COG5: variants seen among roughly 807,000 people sequenced by gnomAD.
COG5 encodes conserved oligomeric Golgi complex subunit 5.
COG5 carries 86 observed loss-of-function variants against 110.4 expected under a neutral mutation model. The observed-to-expected ratio is 0.78, with a 90% CI of 0.65 to 0.93. The LOEUF (loss-of-function observed/expected upper bound fraction) is 0.93. Among genes scored for constraint, COG5 ranks in the 40% least tolerant of loss-of-function variants. The probability of loss-of-function intolerance (pLI) is 0.00; values close to 1 mark genes in which losing one functional copy is unlikely to be tolerated. For synonymous variants in COG5, 360 were observed against 334.6 expected (o/e 1.08, Z -0.83); for missense variants, 1,077 against 987.0 (o/e 1.09, Z -1.22).
chr7:107,459,092 T>C (rs1795837044), intron 6 of COG5, among the ~76,000 whole-genome samples: 2 of 152,032 alleles, frequency 1.3e-5, no homozygotes, highest in Admixed American at 6.6e-5. Context: ...GCAGAAGATG[T>C]AACCCTAACC....
intron 5 of COG5, among the ~76,000 whole-genome samples, chr7:107,539,178 C>T (rs774280079): frequency 1.3e-5 from 2 of 152,086 alleles, no homozygotes; most frequent in Non-Finnish European, 2.9e-5. Flanking sequence ...GTCTCAGCTA[C>T]TCAAGAGGCT....
At chr7:107,479,286 A>G (rs958757601) in intron 6 of COG5, among the ~76,000 whole-genome samples, 1 of 152,140 alleles carries the variant, frequency 6.6e-6, no homozygotes, top group African/African-American at 2.4e-5. Context: ...GAAGTTATCT[A>G]GAAAGTTAAA....
chr7:107,549,812 A>G (rs1802756587), intron 3 of COG5, among the ~76,000 whole-genome samples: 1 of 151,996 alleles, frequency 6.6e-6, no homozygotes, highest in Non-Finnish European at 1.5e-5. Flanking sequence ...CCAAGACGTG[A>G]TCCTCAGCCA....
intron 5 of COG5, 68 bp from the exon 6 acceptor site, chr7:107,527,425 A>T (rs1047168281): frequency 3.2e-6 from 5 of 1,563,712 alleles, no homozygotes; most frequent in Non-Finnish European, 4.4e-6. Context: ...AAATAGTAAT[A>T]ACAAGCACAG....
chr7:107,527,184 A>C, intron 6 of COG5, 53 bp downstream of exon 6: 1 of 1,466,240 alleles, frequency 6.8e-7, no homozygotes, highest in South Asian at 1.3e-5. Context: ...CAAGTGACTT[A>C]AAAATATTTA....
At chr7:107,274,480 G>A (rs959117900) in intron 14 of COG5, among the ~76,000 whole-genome samples, 6 of 151,838 alleles carry the variant, frequency 4.0e-5, no homozygotes, top group Admixed American at 1.3e-4. Context: ...TGAGACTTAC[G>A]GGAATATTTT....
intron 6 of COG5, chr7:107,471,792 C>T (rs1444448343): frequency 6.6e-6 from 1 of 151,954 alleles, no homozygotes; most frequent in Non-Finnish European, 1.5e-5. Flanking sequence ...ATATTCATAT[C>T]AATTGGTATG....
At chr7:107,436,677 A>G (rs1794389986) in intron 6 of COG5, among the ~76,000 whole-genome samples, 1 of 152,214 alleles carries the variant, frequency 6.6e-6, no homozygotes, top group African/African-American at 2.4e-5. Context: ...CATTGTAAAT[A>G]AAAATTCATG....
intron 6 of COG5, among the ~76,000 whole-genome samples, chr7:107,492,620 ACC>A (rs2129129333): frequency 6.6e-6 from 1 of 152,174 alleles, no homozygotes; most frequent in East Asian, 1.9e-4. Flanking sequence ...ACATCTACAT[ACC>A]TTGGCTTATG....
At chr7:107,545,779 C>CAAAAAAA (rs59515448) in intron 5 of COG5, among the ~76,000 whole-genome samples, 5 of 69,834 alleles carry the variant, frequency 7.2e-5, no homozygotes, top group African/African-American at 1.8e-4. Flanking sequence ...GACTCCATCT[C>CAAAAAAA]AAAAAAAAAA....
chr7:107,510,751 C>T (rs181660009), intron 6 of COG5, among the ~76,000 whole-genome samples: 19,216 of 151,946 alleles, frequency 0.13, 1,472 homozygotes, highest in Non-Finnish European at 0.17. Flanking sequence ...CACTCAAAAC[C>T]GCTCCACTAC....
chr7:107,549,296 T>G (rs1258477532), intron 3 of COG5: 1 of 152,268 alleles, frequency 6.6e-6, no homozygotes, highest in South Asian at 2.1e-4. Flanking sequence ...CAGAAATCTA[T>G]GAGTTGCCGA....
intron 10 of COG5, among the ~76,000 whole-genome samples, chr7:107,348,807 A>G (rs1323646209): frequency 6.6e-6 from 1 of 152,244 alleles, no homozygotes; most frequent in African/African-American, 2.4e-5. Context: ...GTGATCTCCT[A>G]GGAATAAAGA....
intron 16 of COG5, among the ~76,000 whole-genome samples, chr7:107,253,871 T>C (rs1469061615): frequency 6.6e-6 from 1 of 152,128 alleles, no homozygotes; most frequent in Non-Finnish European, 1.5e-5. Context: ...CTTCACTTCC[T>C]TCAGATTTTT....
At chr7:107,264,410 G>A (rs1803625809) in intron 14 of COG5, among the ~76,000 whole-genome samples, 1 of 144,566 alleles carries the variant, frequency 6.9e-6, no homozygotes, top group African/African-American at 2.7e-5. Context: ...CCAGACAATG[G>A]AGCAGGCCAC....
intron 6 of COG5, among the ~76,000 whole-genome samples, chr7:107,431,904 C>T (rs1163853131): frequency 6.6e-6 from 1 of 152,100 alleles, no homozygotes; most frequent in East Asian, 1.9e-4. Flanking sequence ...AATCTGCCTG[C>T]CCTCAGCCTC....
chr7:107,303,358 A>C (rs1212147759), intron 11 of COG5, among the ~76,000 whole-genome samples: 1 of 152,190 alleles, frequency 6.6e-6, no homozygotes, highest in Non-Finnish European at 1.5e-5. Context: ...TAAGTTACTT[A>C]AGTCAATTAT....
chr7:107,429,650 T>C (rs1266918147), intron 6 of COG5, among the ~76,000 whole-genome samples: 1 of 152,168 alleles, frequency 6.6e-6, no homozygotes, highest in East Asian at 1.9e-4. Flanking sequence ...TCTTGAACTG[T>C]AGCTCCCAAA....
intron 19 of COG5, among the ~76,000 whole-genome samples, chr7:107,225,233 C>T (rs948669981): frequency 2.6e-5 from 4 of 152,288 alleles, no homozygotes; most frequent in African/African-American, 9.6e-5. Flanking sequence ...GGCTGTTTGG[C>T]TGCCTGTTTT....
Sources: allele counts gnomAD v4.1 joint callset (sites outside exome capture counted in the v4.1 genomes callset), GRCh38; gene constraint gnomAD v4.1.1; transcripts MANE v1.5; gene names NCBI Gene and HGNC (gene_info 2026-07-23, HGNC 2026-07-21).